The following ST18 variants were observed in gnomAD, a reference collection of about 807,000 sequenced individuals.
The protein encoded by ST18 is ST18 C2H2C-type zinc finger transcription factor, also known as suppression of tumorigenicity 18 protein.
A neutral mutation model predicts 110.0 loss-of-function variants in ST18; 50 were observed. The observed-to-expected ratio is 0.45, with a 90% confidence interval of 0.36 to 0.58. The LOEUF (loss-of-function observed/expected upper bound fraction) is 0.58. Among genes scored for constraint, ST18 ranks in the 20% least tolerant of loss-of-function variants. ST18 has a pLI of 0.00. For synonymous variants in ST18, 461 were observed against 452.4 expected, an observed-to-expected ratio of 1.02 and a Z score of -0.24; for missense variants, 1,306 against 1,280.1, an observed-to-expected ratio of 1.02 and a Z score of -0.31.
chr8:52,240,956 C>G (rs2093346145), intron 2 of ST18, among the ~76,000 whole-genome samples: 1 of 152,192 alleles, frequency 6.6e-6, no homozygotes. Flanking sequence ...ACATCACCAC[C>G]CGGTTGTCTC....
chr8:52,406,254 C>G (rs768132642), intron 2 of ST18: 2 of 152,298 alleles, frequency 1.3e-5, no homozygotes, highest in East Asian at 3.9e-4. Flanking sequence ...TCCAATTACT[C>G]CCTCCTCTGT....
intron 2 of ST18, among the ~76,000 whole-genome samples, chr8:52,385,720 GA>G (rs112719770): frequency 0.029 from 3,107 of 108,672 alleles, 100 homozygotes; most frequent in African/African-American, 0.089. Flanking sequence ...AAACAAATTA[GA>G]AAAAAAAAAA....
At chr8:52,407,522 C>T (rs2141180431) in intron 2 of ST18, 1 of 152,282 alleles carries the variant, frequency 6.6e-6, no homozygotes, top group South Asian at 2.1e-4. Flanking sequence ...TACTAGACTT[C>T]ACATAGTCTT....
intron 2 of ST18, among the ~76,000 whole-genome samples, chr8:52,323,484 A>T (rs935970433): frequency 6.6e-6 from 1 of 152,104 alleles, no homozygotes; most frequent in Non-Finnish European, 1.5e-5. Context: ...AACCTCAAAT[A>T]CCTCTCTTCT....
chr8:52,205,859 C>A (rs139400593), intron 8 of ST18, among the ~76,000 whole-genome samples: 2 of 152,180 alleles, frequency 1.3e-5, no homozygotes, highest in Admixed American at 1.3e-4. Context: ...TGAGCCACTA[C>A]GCCCGGCCAG....
chr8:52,111,958 GTGTGTGTGTGTGTC>G lies in ST18; in HGVS notation c.*1226_*1239del. The G allele has an allele frequency of 6.6e-6, 1 of 152,610 alleles. No individual in the cohort carries two copies. The allele number at this position is 152,610 out of a possible 1,614,324, so 9.5% of individuals were successfully genotyped here. On this transcript the variant is annotated 3_prime_UTR_variant, in exon 26 of 26. Coordinates refer to ENST00000689386, the MANE Select transcript of ST18 (RefSeq NM_001352837.2). ...GAAGTGTGGATGAGTCTGTGTGTGT[GTGTGTGTGTGTGTC>G]TGTGTGTGAGTATGCCTGTGTGTGT... is the stretch of plus-strand genomic sequence containing the variant.
In ST18 at chr8:52,191,376, G is replaced by A. The variant is rs142066560; in HGVS notation, c.87-11064C>T. Among the ~76,000 whole-genome samples, 815 of 152,206 alleles carry A rather than the reference G, an allele frequency of 5.4e-3. 1 individual carries two copies. Among genetic ancestry groups the A allele is most frequent in the Middle Eastern group, 0.017 (5 of 294 alleles). On this transcript the variant is annotated intron_variant, in intron 8 of 25. Coordinates refer to ENST00000689386, the MANE Select transcript of ST18 (RefSeq NM_001352837.2). ...AGCCAACCATCATGAACTGGATTCCGTTAGACTCACCAAGTCATAATGTCA... is the reference window on the plus strand; with the variant it reads ...AGCCAACCATCATGAACTGGATTCCATTAGACTCACCAAGTCATAATGTCA...
At chr8:52,251,710 T>C (rs1345649144) in intron 2 of ST18, among the ~76,000 whole-genome samples, 1 of 152,106 alleles carries the variant, frequency 6.6e-6, no homozygotes, top group East Asian at 1.9e-4. Context: ...ACTTGGATCC[T>C]TTTTTCCAAA....
intron 8 of ST18, among the ~76,000 whole-genome samples, chr8:52,180,595 A>C (rs2069036158): frequency 6.6e-6 from 1 of 152,084 alleles, no homozygotes; most frequent in Non-Finnish European, 1.5e-5. Flanking sequence ...ATACCCAGGG[A>C]GGGATGAAAC....
At chr8:52,180,375 A>C in intron 8 of ST18, 63 bp from the exon 9 acceptor site, 1 of 1,574,346 alleles carries the variant, frequency 6.4e-7, no homozygotes, top group Non-Finnish European at 8.7e-7. Context: ...TTGGCATTTA[A>C]CTTTCATGAA....
intron 2 of ST18, among the ~76,000 whole-genome samples, chr8:52,367,121 G>A (rs9298473): frequency 0.99 from 149,891 of 152,084 alleles, 73,902 homozygotes; most frequent in Middle Eastern, 1. Context: ...AATCCCAGCA[G>A]CTCGGGAGGC....
Position 52,156,329 on chromosome 8 carries a change from T to C in ST18, c.1806+2569A>G, listed in dbSNP as rs530077775. On this transcript the variant is annotated intron_variant, in intron 15 of 25. Transcript: ENST00000689386. ...ACCAAAAGTGCTCAGCTGTGAAAGT[T>C]TGGAGTAAGGAGAAGCTGTACATTT... Among the ~76,000 whole-genome samples, 20 of 152,322 alleles carry C rather than the reference T, an allele frequency of 1.3e-4. No homozygotes were observed. In the South Asian group the frequency reaches 1.5e-3, roughly 11 times the overall value.
intron 8 of ST18, among the ~76,000 whole-genome samples, chr8:52,190,404 A>AT (rs1043585061): frequency 5.9e-5 from 9 of 151,954 alleles, no homozygotes; most frequent in Non-Finnish European, 7.4e-5. Flanking sequence ...GGTCCCTATC[A>AT]TTTTTTTTCC....
chr8:52,124,321 T>C (rs1445546872), intron 23 of ST18, among the ~76,000 whole-genome samples: 1 of 151,958 alleles, frequency 6.6e-6, no homozygotes, highest in East Asian at 1.9e-4. Context: ...ACTACAGGTG[T>C]GTGCCACCAC....
In ST18 at chr8:52,254,260, G is replaced by A. The variant is rs1012097903; in HGVS notation, c.-464-24183C>T. On this transcript the variant is annotated intron_variant, in intron 2 of 25. Coordinates refer to ENST00000689386, the MANE Select transcript of ST18 (RefSeq NM_001352837.2). ...AAGTTTTAAACTTACTTTTTTGTTTGTTTCCAAAACTTATATTTCTCTCCT... is the reference window on the plus strand; with the variant it reads ...AAGTTTTAAACTTACTTTTTTGTTTATTTCCAAAACTTATATTTCTCTCCT... 2.6e-5 allele frequency: 4 copies of A among 152,188 alleles called. No individual in the cohort carries two copies. The East Asian group carries it at 7.7e-4, about 29-fold the overall frequency. 9.4% of individuals were successfully genotyped at this position (152,188 alleles called of 1,614,324 possible). A position where few individuals can be genotyped will look rare whatever the true frequency, so the allele number is the denominator to read the frequency against.
intron 23 of ST18, among the ~76,000 whole-genome samples, chr8:52,124,451 G>C (rs867288416): frequency 5.9e-5 from 9 of 152,158 alleles, no homozygotes; most frequent in South Asian, 2.1e-4. Context: ...TGGGATTACA[G>C]ATGTGAGCCA....
intron 8 of ST18, among the ~76,000 whole-genome samples, chr8:52,183,265 C>T (rs1226353719): frequency 4.6e-5 from 7 of 152,154 alleles, no homozygotes; most frequent in Non-Finnish European, 1.5e-5. Context: ...AACAGTCATT[C>T]AGCCTGAAGA....
chr8:52,114,837 G>A (rs184736396), intron 25 of ST18, among the ~76,000 whole-genome samples: 3 of 152,268 alleles, frequency 2.0e-5, no homozygotes, highest in African/African-American at 2.4e-5. Flanking sequence ...TGGTGCTTTC[G>A]TAACATTTTG....
intron 8 of ST18, among the ~76,000 whole-genome samples, chr8:52,181,785 T>C (rs943980221): frequency 6.6e-6 from 1 of 151,988 alleles, no homozygotes; most frequent in African/African-American, 2.4e-5. Flanking sequence ...AAAATACAAG[T>C]CCACACCGTA....
Sources: allele counts gnomAD v4.1 joint callset (sites outside exome capture counted in the v4.1 genomes callset), GRCh38; gene constraint gnomAD v4.1.1; transcripts MANE v1.5; gene names NCBI Gene and HGNC (gene_info 2026-07-23, HGNC 2026-07-21).